Variants in RNF169 observed in about 807,000 individuals in gnomAD.
RNF169 encodes ring finger protein 169.
In RNF169, 24 loss-of-function variants were observed where a neutral mutation model predicts 53.9. The ratio of observed to expected loss-of-function variants is 0.45; its 90% CI spans 0.32 to 0.63. The LOEUF is 0.63. RNF169 is among the 20% of genes least tolerant of loss of function. The pLI is 0.04. For synonymous variants in RNF169, 396 were observed against 363.5 expected (o/e 1.09, Z -1.02); for missense variants, 883 against 906.2 (o/e 0.97, Z 0.33).
intron 1 of RNF169, among the ~76,000 whole-genome samples, chr11:74,770,101 T>C (rs1429734892): frequency 1.3e-5 from 2 of 152,158 alleles, no homozygotes; most frequent in Non-Finnish European, 2.9e-5. Context: ...TTTAGACTAC[T>C]GTTTCACAGT....
At chr11:74,810,473 T>G (rs1669088919) in intron 3 of RNF169, 143 bp downstream of exon 3, 1 of 777,716 alleles carries the variant, frequency 1.3e-6, no homozygotes, top group Non-Finnish European at 2.2e-6. Context: ...GTGAAGAACT[T>G]ACGTCCAGGC....
chr11:74,785,442 A>G (rs2035486284), intron 1 of RNF169, among the ~76,000 whole-genome samples: 1 of 149,982 alleles, frequency 6.7e-6, no homozygotes, highest in Non-Finnish European at 1.5e-5. Context: ...CAAGCCCACA[A>G]AAAAAAAGTG....
At position 74,837,909 on chromosome 11, in the gene RNF169, G is replaced by A. The variant is rs1416929012; in HGVS notation, c.*1179G>A. The A allele has an allele frequency of 6.6e-6, 1 of 152,166 alleles. No homozygotes were observed. The highest frequency in any genetic ancestry group is 1.5e-5 in the Non-Finnish European group (1 of 68,026). The allele number at this position is 152,166 out of a possible 1,614,324, so 9.4% of individuals were successfully genotyped here. A position where few individuals can be genotyped will look rare whatever the true frequency, so the allele number is the denominator to read the frequency against. ...GTGCTTCTGCCCATCTGGGCTCATT[G>A]AGAATAGGGATGAAGATATGATTTT... On this transcript the variant is annotated 3_prime_UTR_variant, in exon 6 of 6. Transcript: ENST00000299563.
At chr11:74,763,210 C>CAAG (rs1474350713) in intron 1 of RNF169, among the ~76,000 whole-genome samples, 40 of 152,288 alleles carry the variant, frequency 2.6e-4, no homozygotes, top group Non-Finnish European at 5.0e-4. Flanking sequence ...AAACAGGCTT[C>CAAG]AAGCTAGTGA....
intron 1 of RNF169, among the ~76,000 whole-genome samples, chr11:74,751,293 A>T (rs1047585477): frequency 6.6e-6 from 1 of 152,234 alleles, no homozygotes; most frequent in East Asian, 1.9e-4. Flanking sequence ...ACCCGATTCT[A>T]TCCTATTCCT....
At chr11:74,756,678 G>A (rs2034988248) in intron 1 of RNF169, among the ~76,000 whole-genome samples, 3 of 152,176 alleles carry the variant, frequency 2.0e-5, no homozygotes, top group Admixed American at 6.5e-5. Flanking sequence ...TAAAGGCATA[G>A]GAACATGAAA....
intron 1 of RNF169, among the ~76,000 whole-genome samples, chr11:74,754,501 C>T (rs2034949536): frequency 2.0e-5 from 3 of 152,202 alleles, no homozygotes; most frequent in South Asian, 2.1e-4. Flanking sequence ...TTTTTATCTT[C>T]GTGGTGTTAA....
At chr11:74,808,309 C>CT (rs2035831911) in intron 2 of RNF169, 1 of 152,064 alleles carries the variant, frequency 6.6e-6, no homozygotes, top group Non-Finnish European at 1.5e-5. Flanking sequence ...CAAAATAACA[C>CT]TAAGATATAT....
chr11:74,823,069 C>G (rs1176275411), intron 4 of RNF169, among the ~76,000 whole-genome samples: 1 of 152,060 alleles, frequency 6.6e-6, no homozygotes, highest in African/African-American at 2.4e-5. Context: ...GACTCCTTCC[C>G]TGACCAAATG....
Position 74,836,647 on chromosome 11 carries a change from A to G in RNF169, c.2044A>G (p.Asn682Asp). 6.2e-7 allele frequency: 1 copy of G among 1,614,048 alleles called. No individual in the cohort carries two copies. The highest frequency in any genetic ancestry group is 1.1e-5 in the South Asian group (1 of 91,086). ...LALQLQRMFD[N>D]ERRTVSRRKG... ...TCTGCAGTTGCAGCGCATGTTCGAC[A>G]ATGAGAGGCGGACTGTGAGCCGGCG... Residue 682 changes from asparagine (N) to aspartate (D), a missense_variant, in exon 6 of 6, where the codon AAT (asparagine) becomes GAT (aspartate). This residue lies in a region of RNF169 where 351 missense variants were observed against 337.3 expected (regional missense o/e 1.04). Coordinates refer to ENST00000299563, the MANE Select transcript of RNF169 (RefSeq NM_001098638.2).
intron 2 of RNF169, among the ~76,000 whole-genome samples, chr11:74,792,423 A>G (rs1379419502): frequency 6.6e-6 from 1 of 151,926 alleles, no homozygotes. Context: ...TTTTTTTGAA[A>G]CGGAGTCTTG....
At position 74,748,950 on chromosome 11, in the gene RNF169, C is replaced by T. The variant is rs1163437724; in HGVS notation, c.70C>T (p.Arg24Trp). Residue 24 changes from arginine (R) to tryptophan (W), a missense_variant, in exon 1 of 6, where the codon CGG (arginine) becomes TGG (tryptophan). Arg to Trp is a moderately radical substitution (Grantham distance 101). Around this residue, in one of 3 missense-constraint regions of RNF169, gnomAD observed 313 missense variants for 279.9 expected, o/e 1.12. Coordinates refer to ENST00000299563, the MANE Select transcript of RNF169 (RefSeq NM_001098638.2). Reference sequence around the variant, plus strand: ...AGCAGCCGCTCTGAGTCGGCGGGGCCGGCGGGGCCGCTGTGACGAGACGGC... The same window carrying T: ...AGCAGCCGCTCTGAGTCGGCGGGGCTGGCGGGGCCGCTGTGACGAGACGGC... ...AAAAALSRRG[R>W]RGRCDETAAA... 6.8e-7 allele frequency: 1 copy of T among 1,463,686 alleles called. No homozygotes were observed. Among genetic ancestry groups the T allele is most frequent in the Non-Finnish European group, 9.1e-7 (1 of 1,095,978 alleles). 90.7% of individuals were successfully genotyped at this position (1,463,686 alleles called of 1,614,324 possible). A position where few individuals can be genotyped will look rare whatever the true frequency, so the allele number is the denominator to read the frequency against.
chr11:74,762,998 C>T (rs1455559475), intron 1 of RNF169, among the ~76,000 whole-genome samples: 2 of 152,142 alleles, frequency 1.3e-5, no homozygotes. Context: ...TGATGTGCTG[C>T]ACTCTAGGTG....
chr11:74,762,680 T>C (rs2035106971), intron 1 of RNF169, among the ~76,000 whole-genome samples: 1 of 152,166 alleles, frequency 6.6e-6, no homozygotes, highest in Admixed American at 6.5e-5. Context: ...TAGGAAAATC[T>C]CCAGTTTCCA....
At chr11:74,806,478 T>C (rs1050798895) in intron 2 of RNF169, among the ~76,000 whole-genome samples, 2 of 152,190 alleles carry the variant, frequency 1.3e-5, no homozygotes, top group Non-Finnish European at 2.9e-5. Flanking sequence ...GAGAACAGTG[T>C]GTATACCTGC....
intron 2 of RNF169, among the ~76,000 whole-genome samples, chr11:74,800,596 T>C (rs1315677910): frequency 1.3e-5 from 2 of 152,188 alleles, no homozygotes; most frequent in Non-Finnish European, 2.9e-5. Flanking sequence ...TGTATATAAG[T>C]ATTATTAATA....
rs1483363800 is a variant in RNF169, at chr11:74,841,341, T to G, written c.*4611T>G. On this transcript the variant is annotated 3_prime_UTR_variant, in exon 6 of 6. Coordinates refer to ENST00000299563, the MANE Select transcript of RNF169 (RefSeq NM_001098638.2). ...GATTCTAGGGAAAGTGCTGAAGAGA[T>G]TTTCTTCTGAAGATGATCTAGGAAA... 6.6e-6 allele frequency: 1 copy of G among 152,124 alleles called. No individual in the cohort carries two copies. The allele number at this position is 152,124 out of a possible 1,614,324, so 9.4% of individuals were successfully genotyped here. A position where few individuals can be genotyped will look rare whatever the true frequency, so the allele number is the denominator to read the frequency against.
chr11:74,814,592 T>C (rs1274740572), intron 3 of RNF169, among the ~76,000 whole-genome samples: 3 of 151,816 alleles, frequency 2.0e-5, no homozygotes, highest in Non-Finnish European at 4.4e-5. Flanking sequence ...GGTCTCACTG[T>C]GTTGCCCAAG....
intron 1 of RNF169, among the ~76,000 whole-genome samples, chr11:74,783,366 G>A (rs1295369818): frequency 1.3e-5 from 2 of 152,048 alleles, no homozygotes; most frequent in African/African-American, 4.8e-5. Context: ...TAGGTCACTG[G>A]CCACAGGTGC....
Sources: gnomAD v4.1 joint callset for allele counts (sites outside exome capture counted in the v4.1 genomes callset) on GRCh38, gnomAD v4.1.1 for gene constraint, gnomAD v4.1.1 regional missense constraint, MANE v1.5 for transcripts, NCBI Gene and HGNC (gene_info 2026-07-23, HGNC 2026-07-21) for gene names.